Variants in ZC3H7B observed in about 807,000 individuals in gnomAD.
The protein encoded by ZC3H7B is zinc finger CCCH-type containing 7B, also known as zinc finger CCCH domain-containing protein 7B.
A neutral mutation model predicts 116.0 loss-of-function variants in ZC3H7B; 35 were observed. The observed-to-expected ratio is 0.30, with a 90% confidence interval of 0.23 to 0.40. The LOEUF is 0.40. Among genes scored for constraint, ZC3H7B ranks in the 10% least tolerant of loss-of-function variants. The probability of loss-of-function intolerance (pLI) is 1.00; values close to 1 mark genes in which losing one functional copy is unlikely to be tolerated. For missense variants in ZC3H7B, 1,011 were observed against 1,321.5 expected (o/e 0.77, Z 3.64); for synonymous variants, 502 against 545.6 (o/e 0.92, Z 1.11).
chr22:41,342,865 G>C (rs981404805), intron 12 of ZC3H7B, among the ~76,000 whole-genome samples: 2 of 152,158 alleles, frequency 1.3e-5, no homozygotes, highest in Non-Finnish European at 2.9e-5. Flanking sequence ...TAGAGAGTGA[G>C]GACGGTGGTA....
chr22:41,355,702 C>A, intron 18 of ZC3H7B, 55 bp from the exon 19 acceptor site: 1 of 1,612,004 alleles, frequency 6.2e-7, no homozygotes, highest in South Asian at 1.1e-5. Context: ...CCACAGAGGT[C>A]ACACAGCACA....
At chr22:41,326,139 TA>T (rs949364913) in intron 4 of ZC3H7B, among the ~76,000 whole-genome samples, 1 of 152,074 alleles carries the variant, frequency 6.6e-6, no homozygotes, top group East Asian at 1.9e-4. Context: ...AAAAAGTTTT[TA>T]AAAAAAATGA....
rs1383122956 is a variant in ZC3H7B at position 41,330,094 on chromosome 22, G to A, written c.516G>A (p.Lys172=). The change falls in exon 6 of 23, where the codon AAG becomes AAA. Residue 172 remains lysine, a synonymous_variant. Transcript: ENST00000352645. ...GGCTGCGAGTTCGCAAGGCGTATAA[G>A]AGGCCCCAGGTAGGTGGGTTCGGGA... The part of the protein sequence containing the change: ...KLGLRVRKAY[K]RPQELETFSL... The A allele has an allele frequency of 6.2e-7, 1 of 1,613,938 alleles. No homozygotes were observed. The highest frequency in any genetic ancestry group is 2.2e-5 in the East Asian group (1 of 44,878).
intron 1 of ZC3H7B, among the ~76,000 whole-genome samples, chr22:41,306,466 C>T (rs1470575942): frequency 3.3e-5 from 5 of 151,668 alleles, no homozygotes; most frequent in East Asian, 1.9e-4. Context: ...CTCCGCCTCC[C>T]GGGTTCAAGT....
intron 1 of ZC3H7B, among the ~76,000 whole-genome samples, chr22:41,310,184 G>A (rs537936590): frequency 3.3e-5 from 5 of 152,290 alleles, no homozygotes; most frequent in African/African-American, 4.8e-5. Flanking sequence ...CAGCCTGGGC[G>A]ACAGAGCGAG....
At chr22:41,303,072 T>C (rs1356625844) in intron 1 of ZC3H7B, among the ~76,000 whole-genome samples, 2 of 152,238 alleles carry the variant, frequency 1.3e-5, no homozygotes, top group Non-Finnish European at 2.9e-5. Context: ...GCAGAATCTT[T>C]AGTTCTACTA....
At chr22:41,329,590 A>G (rs1002330240) in intron 5 of ZC3H7B, among the ~76,000 whole-genome samples, 4 of 152,092 alleles carry the variant, frequency 2.6e-5, no homozygotes, top group Non-Finnish European at 2.9e-5. Context: ...GTCTGCATGC[A>G]TGCATTCCTA....
rs180923432 is a variant in ZC3H7B, at chr22:41,344,186, T to C, written c.1459+610T>C. On this transcript the variant is annotated intron_variant, in intron 13 of 22. Transcript: ENST00000352645. ...GTGTAGCCCTTTCATTTCACCAGCA[T>C]GCAGCCTCACAGCTCTGGAGGAGGA... Among the ~76,000 whole-genome samples the C allele has an allele frequency of 1.1e-4, 17 of 152,318 alleles. 1 individual carries two copies. The highest frequency in any genetic ancestry group is 1.0e-3 in the Admixed American group (16 of 15,308).
chr22:41,332,427 C>T (rs1041403692), intron 7 of ZC3H7B, 200 bp downstream of exon 7: 8 of 626,310 alleles, frequency 1.3e-5, no homozygotes, highest in South Asian at 2.0e-5. Flanking sequence ...GCCGGGGAGC[C>T]GCCGGGGGCA....
chr22:41,349,318 G>A lies in ZC3H7B; in HGVS notation c.1948+17G>A, dbSNP rs373877058. On this transcript the variant is annotated intron_variant, in intron 16 of 22. Coordinates refer to ENST00000352645, the MANE Select transcript of ZC3H7B (RefSeq NM_017590.6). The surrounding 1 kb of genome is among the most constrained non-coding windows in gnomAD (Gnocchi z 4.9). ...AGTACTCAGGTGAGGGGCAGGCGGT[G>A]CAGGTGGAGGGCAGGTGACTCAGGT... 76 of 1,611,676 alleles carry A rather than the reference G, an allele frequency of 4.7e-5. No homozygotes were observed. The African/African-American group carries it at 9.1e-4, about 19-fold the overall frequency.
Position 41,357,355 on chromosome 22 carries a change from C to T in ZC3H7B, c.2860C>T (p.Gln954Ter). 1 of 1,613,520 alleles carries T rather than the reference C, an allele frequency of 6.2e-7. No homozygotes were observed. Among genetic ancestry groups the T allele is most frequent in the Non-Finnish European group, 8.5e-7 (1 of 1,179,972 alleles). ...DDFGKYNFLLQEDGDLAGATP... is the reference protein window; with the variant it reads ...DDFGKYNFLL ...CTTTGGCAAATACAACTTCCTGCTG[C>T]AAGAGGACGGGGACCTTGCCGGTGC... The change falls in exon 23 of 23, where the codon CAA becomes TAA. Residue 954 changes from glutamine to a stop codon, truncating the protein, a stop_gained. Coordinates refer to ENST00000352645, the MANE Select transcript of ZC3H7B (RefSeq NM_017590.6). LOFTEE classifies it high-confidence loss of function. This position sits in a 1 kb window ranked among gnomAD's most constrained non-coding sequence, Gnocchi z 5.4.
rs1158525820 is a variant in ZC3H7B at position 41,357,361 on chromosome 22, G to A, written c.2866G>A (p.Asp956Asn). The part of the protein sequence containing the change: ...FGKYNFLLQE[D>N]GDLAGATPEA... Reference sequence around the variant, plus strand: ...CAAATACAACTTCCTGCTGCAAGAGGACGGGGACCTTGCCGGTGCCACCCC... The same window carrying A: ...CAAATACAACTTCCTGCTGCAAGAGAACGGGGACCTTGCCGGTGCCACCCC... Residue 956 changes from aspartate to asparagine, a missense_variant, in exon 23 of 23, where the codon GAC (aspartate) becomes AAC (asparagine). This residue lies in a region of ZC3H7B where 406 missense variants were observed against 590.2 expected (regional missense o/e 0.69). Transcript: ENST00000352645. The surrounding 1 kb of genome is among the most constrained non-coding windows in gnomAD (Gnocchi z 5.4). The A allele has an allele frequency of 3.7e-6, 6 of 1,613,370 alleles. No homozygotes were observed. The African/African-American group carries it at 5.3e-5, about 14-fold the overall frequency.
intron 17 of ZC3H7B, among the ~76,000 whole-genome samples, chr22:41,352,597 C>T (rs1025228568): frequency 6.6e-6 from 1 of 151,948 alleles, no homozygotes; most frequent in Admixed American, 6.6e-5. Flanking sequence ...CCCATCTGTA[C>T]TAAAAATACA....
chr22:41,344,331 G>A (rs993061124), intron 13 of ZC3H7B, among the ~76,000 whole-genome samples: 1 of 152,184 alleles, frequency 6.6e-6, no homozygotes, highest in African/African-American at 2.4e-5. Context: ...GCTGGTCTAA[G>A]GACATGTCAC....
At chr22:41,319,209 G>T (rs1219568467) in intron 1 of ZC3H7B, among the ~76,000 whole-genome samples, 2 of 152,102 alleles carry the variant, frequency 1.3e-5, no homozygotes, top group Non-Finnish European at 2.9e-5. Context: ...AGACCATCCT[G>T]GCTAACACGG....
chr22:41,313,154 T>C (rs1479937178), intron 1 of ZC3H7B, among the ~76,000 whole-genome samples: 13 of 151,132 alleles, frequency 8.6e-5, no homozygotes, highest in East Asian at 5.8e-4. Flanking sequence ...AGTCTCGCTG[T>C]GTCGCCCAGG....
intron 1 of ZC3H7B, among the ~76,000 whole-genome samples, chr22:41,310,611 G>A (rs960383937): frequency 1.3e-5 from 2 of 152,236 alleles, no homozygotes; most frequent in Non-Finnish European, 2.9e-5. Flanking sequence ...AACAGGGTAT[G>A]CCACAGTGTT....
chr22:41,357,474 G>A lies in ZC3H7B; in HGVS notation c.*45G>A, dbSNP rs1422002604. 14 of 1,594,976 alleles carry A rather than the reference G, an allele frequency of 8.8e-6. No individual in the cohort carries two copies. The highest frequency in any genetic ancestry group is 1.1e-5 in the Non-Finnish European group (13 of 1,172,944). ...GTGAAGTCCTGGGGTCAGGGGGTGGGGTGGGGCCAGAAGGCCTGATAGAAG... is the reference window on the plus strand; with the variant it reads ...GTGAAGTCCTGGGGTCAGGGGGTGGAGTGGGGCCAGAAGGCCTGATAGAAG... On this transcript the variant is annotated 3_prime_UTR_variant, in exon 23 of 23. Transcript: ENST00000352645. The surrounding 1 kb of genome is among the most constrained non-coding windows in gnomAD (Gnocchi z 5.4).
At position 41,339,977 on chromosome 22, in the gene ZC3H7B, C is replaced by G. The variant is rs1166278323; in HGVS notation, c.978C>G (p.Asp326Glu). 1 of 1,611,950 alleles carries G rather than the reference C, an allele frequency of 6.2e-7. No individual in the cohort carries two copies. The highest frequency in any genetic ancestry group is 1.7e-5 in the Admixed American group (1 of 60,024). Reference protein sequence around the residue: ...LPPASFGLVMDPSKKLAASVL... With the variant: ...LPPASFGLVMEPSKKLAASVL... ...CCGCCTCCTTCGGCTTGGTCATGGA[C>G]CCCTCCAAGAAGCTGGCCGCCTCTG... Residue 326 changes from aspartate (D) to glutamate (E), a missense_variant, in exon 10 of 23, where the codon GAC becomes GAG. Physicochemically the swap from Asp to Glu is conservative, Grantham distance 45. Transcript: ENST00000352645.
Sources: gnomAD v4.1 joint callset for allele counts (sites outside exome capture counted in the v4.1 genomes callset) on GRCh38, gnomAD v4.1.1 for gene constraint, gnomAD v4.1.1 regional missense constraint, Gnocchi (gnomAD v3.1) non-coding constraint, MANE v1.5 for transcripts, NCBI Gene and HGNC (gene_info 2026-07-23, HGNC 2026-07-21) for gene names.